PIGG: variants seen among roughly 807,000 people sequenced by gnomAD.
PIGG encodes GPI ethanolamine phosphate transferase 2, catalytic subunit.
A neutral mutation model predicts 83.2 loss-of-function variants in PIGG; 70 were observed. That is an observed-to-expected ratio of 0.84 (90% CI 0.69 to 1.03). The LOEUF is 1.03. Ranked by LOEUF, PIGG falls within the 50% of genes least tolerant of loss-of-function variation. The pLI is 0.00. For missense variants in PIGG, 1,257 were observed against 1,233.6 expected (o/e 1.02, Z -0.28); for synonymous variants, 532 against 519.5 (o/e 1.02, Z -0.33).
At chr4:518,809 C>A (rs13114024) in intron 6 of PIGG, among the ~76,000 whole-genome samples, 25,993 of 151,814 alleles carry the variant, frequency 0.17, 2,792 homozygotes, top group African/African-American at 0.31. Context: ...GTCGGGGATC[C>A]TTTTTCCTAA....
At position 539,700 on chromosome 4, in the gene PIGG, T is replaced by A. The variant is rs1276326343; in HGVS notation, c.*331T>A. On this transcript the variant is annotated 3_prime_UTR_variant, in exon 13 of 13. Coordinates refer to ENST00000453061, the MANE Select transcript of PIGG (RefSeq NM_001127178.3). ...GCTCTGTGGGAGGAGGCACCCAGAT[T>A]ACCTTAGGGAGCACAGAGCTCTTAG... 4.6e-6 allele frequency: 1 copy of A among 217,240 alleles called. No individual in the cohort carries two copies. Among genetic ancestry groups the A allele is most frequent in the Non-Finnish European group, 9.2e-6 (1 of 109,242 alleles). The allele number at this position is 217,240 out of a possible 1,614,324, so 13.5% of individuals were successfully genotyped here.
rs745840866 is a variant in PIGG at position 533,822 on chromosome 4, A to C, written c.2576A>C (p.Asn859Thr). The change falls in exon 12 of 13, where the codon AAC becomes ACC. Residue 859 changes from asparagine to threonine, a missense_variant. Transcript: ENST00000453061. ...FGQAFFYFQG[N>T]SNNIATVDIS... is the part of the protein sequence containing the mutation. ...AGCTCTTCTCCTGTATTCCAGGGCA[A>C]CTCCAACAACATTGCCACCGTGGAC... 6.2e-6 allele frequency: 10 copies of C among 1,614,142 alleles called. No homozygotes were observed. Among genetic ancestry groups the C allele is most frequent in the Non-Finnish European group, 6.8e-6 (8 of 1,179,982 alleles).
In PIGG at chr4:515,659, G is replaced by A. The variant is rs369351801; in HGVS notation, c.902-314G>A. On this transcript the variant is annotated intron_variant, in intron 5 of 12. Transcript: ENST00000453061. This position sits in a 1 kb window ranked among gnomAD's most constrained non-coding sequence, Gnocchi z 4.2. ...ACCTTGCCAAAGTGACAGTCCCTCCGTGTCTGCGGGACCACCTGCTTCCTC... is the reference window on the plus strand; with the variant it reads ...ACCTTGCCAAAGTGACAGTCCCTCCATGTCTGCGGGACCACCTGCTTCCTC... 1.1e-4 allele frequency among the ~76,000 whole-genome samples: 16 copies of A among 152,200 alleles called. No individual in the cohort carries two copies. The highest frequency in any genetic ancestry group is 1.9e-4 in the African/African-American group (8 of 41,432).
At chr4:527,298 C>T (rs969119019) in intron 10 of PIGG, 68 bp downstream of exon 10, 25 of 1,469,492 alleles carry the variant, frequency 1.7e-5, no homozygotes, top group Middle Eastern at 2.5e-4. Context: ...GGACACGGGG[C>T]GCGTGGAACC....
intron 5 of PIGG, among the ~76,000 whole-genome samples, chr4:512,251 G>A (rs540699103): frequency 1.7e-3 from 177 of 107,032 alleles, no homozygotes; most frequent in Non-Finnish European, 2.0e-3. Flanking sequence ...ATGGAGTCTT[G>A]CTCTGTCACC....
intron 1 of PIGG, chr4:500,045 G>A (rs991399904): frequency 2.2e-5 from 6 of 277,050 alleles, no homozygotes; most frequent in South Asian, 4.7e-5. Flanking sequence ...CCATGTAAAC[G>A]CAGTATGTAA....
At chr4:513,767 C>T (rs937804252) in intron 5 of PIGG, among the ~76,000 whole-genome samples, 5 of 152,054 alleles carry the variant, frequency 3.3e-5, no homozygotes, top group African/African-American at 4.8e-5. Flanking sequence ...GTCAGTGGGG[C>T]GCAATCCACA....
At chr4:530,301 T>C in intron 10 of PIGG, 135 bp from the exon 11 acceptor site, 1 of 643,028 alleles carries the variant, frequency 1.6e-6, no homozygotes. Context: ...GTAGGGAGGG[T>C]GCCGCGGCTC....
chr4:512,689 C>T (rs1577052813), intron 5 of PIGG, among the ~76,000 whole-genome samples: 2 of 151,762 alleles, frequency 1.3e-5, no homozygotes, highest in Non-Finnish European at 2.9e-5. Flanking sequence ...GTGGTGGGCG[C>T]CTGTAATCCC....
rs782780689 is a variant in PIGG, at chr4:507,480, C to G, written c.646C>G (p.Leu216Val). 6.2e-7 allele frequency: 1 copy of G among 1,613,954 alleles called. No homozygotes were observed. Among genetic ancestry groups the G allele is most frequent in the Non-Finnish European group, 8.5e-7 (1 of 1,179,814 alleles). Reference sequence around the variant, plus strand: ...TTGGGACATATTAATCCTCCACTACCTGGGGCTGGACCACATTGGCCACAT... The same window carrying G: ...TTGGGACATATTAATCCTCCACTACGTGGGGCTGGACCACATTGGCCACAT... ...GDWDILILHY[L>V]GLDHIGHISG... Residue 216 changes from leucine to valine, a missense_variant, in exon 4 of 13, where the codon CTG becomes GTG. Transcript: ENST00000453061.
intron 10 of PIGG, chr4:527,829 C>T: frequency 6.1e-6 from 6 of 985,380 alleles, no homozygotes; most frequent in Non-Finnish European, 7.2e-6. Context: ...GTGGTGAACA[C>T]AGGAGTGGGA....
chr4:510,748 C>T (rs1261512773), intron 5 of PIGG, among the ~76,000 whole-genome samples: 3 of 152,248 alleles, frequency 2.0e-5, no homozygotes, highest in South Asian at 4.2e-4. Context: ...CAGCATTGGG[C>T]CACCATCATC....
chr4:512,435 T>A (rs1722342460), intron 5 of PIGG, among the ~76,000 whole-genome samples: 1 of 151,960 alleles, frequency 6.6e-6, no homozygotes, highest in African/African-American at 2.4e-5. Flanking sequence ...CAGGCCGATC[T>A]CAAACTCCTG....
At position 521,125 on chromosome 4, in the gene PIGG, A is replaced by G; in HGVS notation, c.1184A>G (p.Glu395Gly). 6.2e-7 allele frequency: 1 copy of G among 1,613,966 alleles called. No homozygotes were observed. Among genetic ancestry groups the G allele is most frequent in the Non-Finnish European group, 8.5e-7 (1 of 1,179,826 alleles). The change falls in exon 7 of 13, where the codon GAA becomes GGA. Residue 395 changes from glutamate (E) to glycine (G), a missense_variant. Coordinates refer to ENST00000453061, the MANE Select transcript of PIGG (RefSeq NM_001127178.3). ...HGNWIRLYLE[E>G]KHSEVLFNLG... ...AACTGGATCAGACTGTACTTGGAGGAAAAGCATTCAGAAGTCCTATTCAAC... is the reference window on the plus strand; with the variant it reads ...AACTGGATCAGACTGTACTTGGAGGGAAAGCATTCAGAAGTCCTATTCAAC...
intron 10 of PIGG, 106 bp downstream of exon 10, chr4:527,336 C>T (rs1432268331): frequency 4.2e-6 from 6 of 1,432,074 alleles, no homozygotes; most frequent in Non-Finnish European, 5.5e-6. Context: ...ACTGAGAAGA[C>T]CAAGCCAGTC....
At chr4:531,075 C>T (rs1226366470) in intron 11 of PIGG, 5 of 266,310 alleles carry the variant, frequency 1.9e-5, no homozygotes, top group African/African-American at 2.2e-5. Context: ...CTCGTTCATG[C>T]CCTTTGCCCC....
chr4:507,683 C>T (rs1720242256), intron 4 of PIGG, 90 bp downstream of exon 4: 2 of 1,168,072 alleles, frequency 1.7e-6, no homozygotes, highest in East Asian at 2.6e-5. Context: ...ATTCAGGGTG[C>T]CTGTGTGAAT....
chr4:505,765 C>G lies in PIGG; in HGVS notation c.408C>G (p.Asn136Lys). ...SLPGFVDVIRNLNSPALLEDS... is the reference protein window; with the variant it reads ...SLPGFVDVIRKLNSPALLEDS... ...CTGGCTTTGTCGACGTCATCAGGAA[C>G]CTCAATTCTCCTGCACTGCTGGAAG... The change falls in exon 3 of 13, where the codon AAC becomes AAG. Residue 136 changes from asparagine to lysine, a missense_variant. Asn to Lys is a moderately conservative substitution (Grantham distance 94, BLOSUM62 0). Coordinates refer to ENST00000453061, the MANE Select transcript of PIGG (RefSeq NM_001127178.3). 1.9e-6 allele frequency: 3 copies of G among 1,613,450 alleles called. No homozygotes were observed. The highest frequency in any genetic ancestry group is 2.5e-6 in the Non-Finnish European group (3 of 1,179,896).
chr4:523,596 C>A lies in PIGG; in HGVS notation c.1752C>A (p.Thr584=). 1 of 1,614,138 alleles carries A rather than the reference C, an allele frequency of 6.2e-7. No homozygotes were observed. ...AGACCTGGTACTTCCTTGTGAACAC[C>A]CTGTGTCTAGCTCTGAGCCAAGAAA... is the stretch of plus-strand genomic sequence containing the variant. ...EHQTWYFLVN[T]LCLALSQETY... is the part of the protein sequence containing the mutation. The change falls in exon 9 of 13, where the codon ACC becomes ACA. Residue 584 remains threonine, a synonymous_variant. Transcript: ENST00000453061.
Sources: gnomAD v4.1 joint callset for allele counts (sites outside exome capture counted in the v4.1 genomes callset) on GRCh38, gnomAD v4.1.1 for gene constraint, Gnocchi (gnomAD v3.1) non-coding constraint, MANE v1.5 for transcripts, NCBI Gene and HGNC (gene_info 2026-07-23, HGNC 2026-07-21) for gene names.